APP: variants seen among roughly 807,000 people sequenced by gnomAD.
APP encodes amyloid-beta precursor protein.
A neutral mutation model predicts 101.4 loss-of-function variants in APP; 31 were observed. That is an observed-to-expected ratio of 0.31 (90% CI 0.23 to 0.41). APP has a LOEUF of 0.41. Ranked by LOEUF, APP falls within the 10% of genes least tolerant of loss-of-function variation. APP has a pLI of 1.00. For synonymous variants in APP, 366 were observed against 364.4 expected (o/e 1.00, Z -0.05); for missense variants, 839 against 1,003.7 (o/e 0.84, Z 2.22).
At chr21:26,071,126 C>T (rs984594186) in intron 3 of APP, among the ~76,000 whole-genome samples, 7 of 152,168 alleles carry the variant, frequency 4.6e-5, no homozygotes, top group African/African-American at 1.7e-4. Context: ...TTTGCGGATT[C>T]GGCAGTTTAA....
At chr21:26,027,656 G>C (rs148574312) in intron 5 of APP, among the ~76,000 whole-genome samples, 4 of 152,156 alleles carry the variant, frequency 2.6e-5, no homozygotes, top group Admixed American at 2.6e-4. Flanking sequence ...CAGGGGCCAG[G>C]AGAGAGGATT....
At chr21:26,089,163 A>G (rs2146108372) in intron 3 of APP, among the ~76,000 whole-genome samples, 1 of 152,328 alleles carries the variant, frequency 6.6e-6, no homozygotes, top group Middle Eastern at 3.4e-3. Context: ...ACTGATGAAT[A>G]CACTTGTGGA....
At chr21:26,119,909 C>T (rs1347930862) in intron 1 of APP, among the ~76,000 whole-genome samples, 1 of 152,198 alleles carries the variant, frequency 6.6e-6, no homozygotes, top group Non-Finnish European at 1.5e-5. Context: ...TCCAGTATGG[C>T]TTCTACTTGT....
At chr21:25,982,956 A>AT (rs34087368) in intron 8 of APP, among the ~76,000 whole-genome samples, 152,314 of 152,314 alleles carry the variant, frequency 1, 76,157 homozygotes, top group Non-Finnish European at 1. Flanking sequence ...TGTATGATGT[A>AT]TTTAGATAAC....
At chr21:26,116,625 T>C (rs2830063) in intron 1 of APP, among the ~76,000 whole-genome samples, 14,505 of 152,158 alleles carry the variant, frequency 0.095, 885 homozygotes, top group Admixed American at 0.15. Flanking sequence ...CAACAGGGTC[T>C]CAACTAGGAG....
intron 1 of APP, among the ~76,000 whole-genome samples, chr21:26,152,101 C>G (rs1323924013): frequency 6.6e-6 from 1 of 151,718 alleles, no homozygotes; most frequent in Non-Finnish European, 1.5e-5. Flanking sequence ...ATGGTGAAAC[C>G]CTATCTCTAC....
chr21:26,002,094 A>C (rs943677564), intron 6 of APP, among the ~76,000 whole-genome samples: 4 of 152,242 alleles, frequency 2.6e-5, no homozygotes, highest in African/African-American at 9.6e-5. Flanking sequence ...AAGCAGCAGT[A>C]CTGAGTGAGA....
At chr21:25,998,994 T>C (rs1166487427) in intron 7 of APP, among the ~76,000 whole-genome samples, 2 of 152,126 alleles carry the variant, frequency 1.3e-5, no homozygotes, top group African/African-American at 2.4e-5. Flanking sequence ...AGAAAGACTT[T>C]GAAAATTATG....
intron 3 of APP, among the ~76,000 whole-genome samples, chr21:26,063,953 C>A: frequency 6.6e-6 from 1 of 152,072 alleles, no homozygotes; most frequent in Non-Finnish European, 1.5e-5. Context: ...AAACACGTAC[C>A]CTTGATATGA....
At chr21:25,908,478 GTA>G (rs1371489500) in intron 14 of APP, among the ~76,000 whole-genome samples, 4 of 152,320 alleles carry the variant, frequency 2.6e-5, no homozygotes, top group Admixed American at 1.3e-4. Context: ...GTAGTTGGGT[GTA>G]TGTGTGTGTG....
chr21:25,939,531 C>A (rs1161704558), intron 13 of APP, among the ~76,000 whole-genome samples: 1 of 152,124 alleles, frequency 6.6e-6, no homozygotes, highest in African/African-American at 2.4e-5. Flanking sequence ...TGGTTTCCTG[C>A]CAAAAAATAA....
At chr21:25,897,447 A>G (rs2038146636) in intron 16 of APP, 126 bp downstream of exon 16, 1 of 812,656 alleles carries the variant, frequency 1.2e-6, no homozygotes, top group African/African-American at 1.7e-5. Context: ...TTTCATGGTA[A>G]TCCTATAGGC....
At chr21:25,982,507 A>G (rs937291563) in intron 8 of APP, 30 bp from the exon 9 acceptor site, 8 of 1,606,730 alleles carry the variant, frequency 5.0e-6, no homozygotes, top group Middle Eastern at 1.7e-4. Flanking sequence ...GAGGTTTGAG[A>G]AAAAAAAGCC....
intron 16 of APP, 24 bp downstream of exon 16, chr21:25,897,549 A>T: frequency 6.4e-7 from 1 of 1,553,076 alleles, no homozygotes; most frequent in Non-Finnish European, 8.9e-7. Flanking sequence ...ACAGTAGTGG[A>T]AAGAGGTAAA....
intron 13 of APP, among the ~76,000 whole-genome samples, chr21:25,929,220 G>A (rs969318447): frequency 6.6e-6 from 1 of 152,220 alleles, no homozygotes; most frequent in Non-Finnish European, 1.5e-5. Flanking sequence ...GACTTGAAGA[G>A]TCTAACCTCT....
intron 16 of APP, among the ~76,000 whole-genome samples, chr21:25,893,988 C>T (rs2037862913): frequency 6.6e-6 from 1 of 152,208 alleles, no homozygotes; most frequent in Non-Finnish European, 1.5e-5. Context: ...GAAGCCAAGA[C>T]TGACCATTGT....
At chr21:25,945,541 C>CTTGT (rs2040778813) in intron 13 of APP, 1 of 155,516 alleles carries the variant, frequency 6.4e-6, no homozygotes, top group African/African-American at 2.4e-5. Context: ...TCAAAATTTA[C>CTTGT]TACAAAGCTA....
At chr21:25,925,849 T>C (rs1462932500) in intron 13 of APP, among the ~76,000 whole-genome samples, 2 of 152,296 alleles carry the variant, frequency 1.3e-5, no homozygotes, top group African/African-American at 4.8e-5. Context: ...GGCAGGAGAA[T>C]TGCTTGAACC....
chr21:26,089,872 G>A (rs1051450242), intron 3 of APP, 71 bp downstream of exon 3: 7 of 1,607,292 alleles, frequency 4.4e-6, no homozygotes, highest in Admixed American at 3.3e-5. Context: ...TGACCTAACA[G>A]GAGCATCCTC....
Sources: allele counts gnomAD v4.1 joint callset (sites outside exome capture counted in the v4.1 genomes callset), GRCh38; gene constraint gnomAD v4.1.1; transcripts MANE v1.5; gene names NCBI Gene and HGNC (gene_info 2026-07-23, HGNC 2026-07-21).